The following ADARB2 variants were observed in gnomAD, a reference collection of about 807,000 sequenced individuals.
ADARB2 encodes the protein inactive double-stranded RNA-specific editase B2.
In ADARB2, 25 loss-of-function variants were observed where a neutral mutation model predicts 62.2. The ratio of observed to expected loss-of-function variants is 0.40; its 90% CI spans 0.29 to 0.56. The LOEUF (loss-of-function observed/expected upper bound fraction) is 0.56. ADARB2 is among the 20% of genes least tolerant of loss of function. The probability of loss-of-function intolerance (pLI) is 0.43; values close to 1 mark genes in which losing one functional copy is unlikely to be tolerated. For synonymous variants in ADARB2, 572 were observed against 500.8 expected, an observed-to-expected ratio of 1.14 and a Z score of -1.90; for missense variants, 1,071 against 1,077.4, an observed-to-expected ratio of 0.99 and a Z score of 0.08.
chr10:1,301,871 T>TG (rs1831576542), intron 3 of ADARB2, among the ~76,000 whole-genome samples: 1 of 152,192 alleles, frequency 6.6e-6, no homozygotes, highest in Admixed American at 6.5e-5. Flanking sequence ...CACATGCACC[T>TG]GCTCCTCTAT....
chr10:1,472,909 A>T (rs1178993223), intron 1 of ADARB2, among the ~76,000 whole-genome samples: 7 of 152,102 alleles, frequency 4.6e-5, no homozygotes. Flanking sequence ...TCTCTACGGT[A>T]ATAGTTGGTC....
intron 8 of ADARB2, among the ~76,000 whole-genome samples, chr10:1,196,437 T>A (rs1836913391): frequency 6.6e-6 from 1 of 152,184 alleles, no homozygotes; most frequent in African/African-American, 2.4e-5. Context: ...TTTAATGTAT[T>A]GACAATGGAA....
intron 1 of ADARB2, among the ~76,000 whole-genome samples, chr10:1,449,349 T>A (rs934211984): frequency 6.6e-6 from 1 of 152,194 alleles, no homozygotes; most frequent in Non-Finnish European, 1.5e-5. Context: ...ACCCATCCTG[T>A]ATCAGCCTAT....
At chr10:1,276,250 A>C (rs1383328664) in intron 3 of ADARB2, among the ~76,000 whole-genome samples, 1 of 152,164 alleles carries the variant, frequency 6.6e-6, no homozygotes, top group Non-Finnish European at 1.5e-5. Flanking sequence ...CATTTCTCTG[A>C]TAGCCAGTGA....
intron 7 of ADARB2, among the ~76,000 whole-genome samples, chr10:1,208,430 G>A (rs1274938993): frequency 6.6e-6 from 1 of 152,182 alleles, no homozygotes; most frequent in Non-Finnish European, 1.5e-5. Flanking sequence ...CACAGAGGAG[G>A]CCAAGGACAC....
chr10:1,582,720 G>A (rs898007257), intron 1 of ADARB2, among the ~76,000 whole-genome samples: 14 of 152,130 alleles, frequency 9.2e-5, no homozygotes, highest in African/African-American at 3.1e-4. Flanking sequence ...CTCTTCTCAG[G>A]CTGCTCAAGC....
chr10:1,522,299 T>G (rs1178779075), intron 1 of ADARB2, among the ~76,000 whole-genome samples: 2 of 152,110 alleles, frequency 1.3e-5, no homozygotes, highest in African/African-American at 2.4e-5. Context: ...AGACAATTGA[T>G]CTCTGGCCTC....
chr10:1,384,355 T>C (rs1274559530), intron 1 of ADARB2, among the ~76,000 whole-genome samples: 1 of 152,156 alleles, frequency 6.6e-6, no homozygotes, highest in African/African-American at 2.4e-5. Context: ...AGGGAAATGG[T>C]AAGTGCATTA....
At chr10:1,337,274 A>G (rs1249736913) in intron 3 of ADARB2, among the ~76,000 whole-genome samples, 1 of 152,132 alleles carries the variant, frequency 6.6e-6, no homozygotes, top group Non-Finnish European at 1.5e-5. Flanking sequence ...AGTGATTCTC[A>G]CTCAGGATTT....
At chr10:1,682,813 A>C (rs1205456020) in intron 1 of ADARB2, among the ~76,000 whole-genome samples, 1 of 152,238 alleles carries the variant, frequency 6.6e-6, no homozygotes, top group Non-Finnish European at 1.5e-5. Context: ...TATTTAAATC[A>C]GTATGTAATG....
intron 1 of ADARB2, among the ~76,000 whole-genome samples, chr10:1,444,279 C>CCA (rs773831664): frequency 0.082 from 5,605 of 68,680 alleles, 175 homozygotes; most frequent in Admixed American, 0.12. Flanking sequence ...TTCCATCTAT[C>CCA]TACATCCATC....
chr10:1,319,613 G>GA (rs925301173), intron 3 of ADARB2, among the ~76,000 whole-genome samples: 1 of 152,216 alleles, frequency 6.6e-6, no homozygotes, highest in Admixed American at 6.5e-5. Flanking sequence ...ATCAGAACTT[G>GA]AAAAGAGTCT....
intron 1 of ADARB2, among the ~76,000 whole-genome samples, chr10:1,649,078 G>C (rs550562235): frequency 2.0e-5 from 3 of 152,310 alleles, no homozygotes; most frequent in Non-Finnish European, 4.4e-5. Context: ...GCTCAGAGAG[G>C]CTGTGTGGGG....
At chr10:1,632,159 T>C (rs1056099470) in intron 1 of ADARB2, among the ~76,000 whole-genome samples, 4 of 152,254 alleles carry the variant, frequency 2.6e-5, no homozygotes, top group Admixed American at 2.6e-4. Flanking sequence ...TTCATCATTA[T>C]ACTAAATATC....
intron 1 of ADARB2, among the ~76,000 whole-genome samples, chr10:1,485,866 G>A (rs1831534950): frequency 6.6e-6 from 1 of 152,142 alleles, no homozygotes; most frequent in African/African-American, 2.4e-5. Context: ...CAAAATATTG[G>A]CCTTGGCTTG....
chr10:1,603,374 G>A (rs1016382824), intron 1 of ADARB2, among the ~76,000 whole-genome samples: 3 of 152,178 alleles, frequency 2.0e-5, no homozygotes, highest in African/African-American at 7.2e-5. Flanking sequence ...TAGTCGCTCC[G>A]CTCTAAGGAC....
At chr10:1,380,243 C>T (rs1832470846) in intron 1 of ADARB2, among the ~76,000 whole-genome samples, 1 of 152,256 alleles carries the variant, frequency 6.6e-6, no homozygotes, top group South Asian at 2.1e-4. Context: ...GTCAGCGTTG[C>T]TCATCCAACA....
chr10:1,601,318 G>C (rs866552113), intron 1 of ADARB2, among the ~76,000 whole-genome samples: 2 of 152,178 alleles, frequency 1.3e-5, no homozygotes, highest in African/African-American at 4.8e-5. Context: ...GGTGGCCATC[G>C]GACAGAATCC....
At position 1,600,322 on chromosome 10, in the gene ADARB2, G is replaced by A. The variant is rs151005349; in HGVS notation, c.100+136729C>T. ...CAGAAACTGCTGGCCTTCATTGCCCGGGTCCAATCCTATTGTTAACACCTG... is the reference window on the plus strand; with the variant it reads ...CAGAAACTGCTGGCCTTCATTGCCCAGGTCCAATCCTATTGTTAACACCTG... On this transcript the variant is annotated intron_variant, in intron 1 of 9. Coordinates refer to ENST00000381312, the MANE Select transcript of ADARB2 (RefSeq NM_018702.4). Among the ~76,000 whole-genome samples the A allele has an allele frequency of 4.7e-3, 717 of 152,132 alleles. 6 individuals carry two copies. The highest frequency in any genetic ancestry group is 0.016 in the African/African-American group (674 of 41,484).
Sources: gnomAD v4.1 joint callset for allele counts (sites outside exome capture counted in the v4.1 genomes callset) on GRCh38, gnomAD v4.1.1 for gene constraint, MANE v1.5 for transcripts, NCBI Gene and HGNC (gene_info 2026-07-23, HGNC 2026-07-21) for gene names.